The following DMD variants were observed in gnomAD, a reference collection of about 807,000 sequenced individuals.
DMD encodes dystrophin.
DMD carries 63 observed loss-of-function variants against 330.1 expected under a neutral mutation model. That is an observed-to-expected ratio of 0.19 (90% CI 0.16 to 0.24). The LOEUF (loss-of-function observed/expected upper bound fraction) is 0.24, where lower values mean the gene tolerates loss of function less well. Ranked by LOEUF, DMD falls within the 10% of genes least tolerant of loss-of-function variation. The pLI is 1.00. For missense variants in DMD, 3,344 were observed against 2,684.1 expected (o/e 1.25, Z -5.43); for synonymous variants, 1,223 against 959.8 (o/e 1.27, Z -5.07).
At chrX:31,246,235 C>T (rs7890239) in intron 63 of DMD, among the ~76,000 whole-genome samples, 20,896 of 111,222 alleles carry the variant, frequency 0.19, 1,494 homozygotes, top group East Asian at 0.39. Flanking sequence ...CCCTTCAATT[C>T]TATGAAGGCT....
chrX:32,684,278 T>C (rs1262855651), intron 9 of DMD, among the ~76,000 whole-genome samples: 1 of 111,709 alleles, frequency 9.0e-6, no homozygotes, highest in Non-Finnish European at 1.9e-5. Context: ...ATATACTCTA[T>C]TTGAAAACTT....
chrX:32,018,158 A>G (rs1161816475), intron 44 of DMD, among the ~76,000 whole-genome samples: 2 of 111,531 alleles, frequency 1.8e-5, no homozygotes, highest in African/African-American at 6.5e-5. Flanking sequence ...CTCAAGGTGC[A>G]TAACTTAATA....
At chrX:32,129,662 T>G (rs1337798682) in intron 44 of DMD, among the ~76,000 whole-genome samples, 1 of 105,631 alleles carries the variant, frequency 9.5e-6, no homozygotes, top group Admixed American at 1.0e-4. Context: ...GAATTGGTAG[T>G]TCCTACAGAA....
chrX:31,215,159 C>T (rs182936073), intron 64 of DMD, among the ~76,000 whole-genome samples: 2,243 of 107,656 alleles, frequency 0.021, 24 homozygotes, highest in Middle Eastern at 0.038. Flanking sequence ...GCCAGGATGG[C>T]CTCGAACTCC....
Position 31,406,382 on chromosome X carries a change from C to G in DMD, c.9084+38099G>C, listed in dbSNP as rs929819486. ...CAAACCTTCACATGTACCGTCAAAC[C>G]TAAAATAAAAGCTAAAAAAAGAAAA... On this transcript the variant is annotated intron_variant, in intron 60 of 78. Coordinates refer to ENST00000357033, the MANE Select transcript of DMD (RefSeq NM_004006.3). 4.5e-5 allele frequency among the ~76,000 whole-genome samples: 5 copies of G among 110,213 alleles called. No homozygotes were observed. In the East Asian group the frequency reaches 1.4e-3, roughly 31 times the overall value.
At chrX:32,166,173 G>A (rs72626019) in intron 44 of DMD, among the ~76,000 whole-genome samples, 5 of 111,094 alleles carry the variant, frequency 4.5e-5, no homozygotes, top group Non-Finnish European at 9.4e-5. Context: ...CATCAATTTC[G>A]GCTGGGCATG....
At chrX:32,503,131 G>A (rs1224783343) in intron 18 of DMD, among the ~76,000 whole-genome samples, 11 of 111,970 alleles carry the variant, frequency 9.8e-5, no homozygotes, top group South Asian at 3.7e-4. Flanking sequence ...CCTGTAATCC[G>A]AGCTACTCAG....
chrX:31,411,007 C>A (rs1197309882), intron 60 of DMD, among the ~76,000 whole-genome samples: 1 of 103,626 alleles, frequency 9.7e-6, no homozygotes, highest in Admixed American at 1.1e-4. Context: ...CTCAAGTGAT[C>A]CCCCTGCTTC....
intron 44 of DMD, among the ~76,000 whole-genome samples, chrX:32,072,318 GTTAT>G (rs1314192161): frequency 9.0e-6 from 1 of 110,576 alleles, no homozygotes. Context: ...TTTTAAAATT[GTTAT>G]TTATATTGCA....
intron 50 of DMD, among the ~76,000 whole-genome samples, chrX:31,818,944 T>C (rs183086330): frequency 2.7e-5 from 3 of 111,004 alleles, no homozygotes; most frequent in East Asian, 2.8e-4. Context: ...ATTTTTCTAC[T>C]TGACATAAAA....
chrX:33,010,182 TTG>T lies in DMD; in HGVS notation c.93+9955_93+9956del, dbSNP rs767854494. ...TGTGTATATGTATATATGCATATAT[TTG>T]TGTATGTATATATGCATATGTGTGT... On this transcript the variant is annotated intron_variant, in intron 2 of 78. Coordinates refer to ENST00000357033, the MANE Select transcript of DMD (RefSeq NM_004006.3). Among the ~76,000 whole-genome samples the T allele has an allele frequency of 5.9e-4, 41 of 69,847 alleles. No individual in the cohort carries two copies. In the South Asian group the frequency reaches 0.027, roughly 46 times the overall value. 60.7% of individuals were successfully genotyped at this position (69,847 alleles called of 115,157 possible). A position where few individuals can be genotyped will look rare whatever the true frequency, so the allele number is the denominator to read the frequency against.
chrX:32,009,307 T>C (rs1000909154), intron 44 of DMD, among the ~76,000 whole-genome samples: 3 of 111,596 alleles, frequency 2.7e-5, no homozygotes, highest in African/African-American at 9.8e-5. Context: ...TTCATGGCCT[T>C]TGAAGCACCC....
chrX:31,692,399 G>C (rs1812803198), intron 52 of DMD, among the ~76,000 whole-genome samples: 1 of 111,047 alleles, frequency 9.0e-6, no homozygotes, highest in African/African-American at 3.3e-5. Flanking sequence ...TTAGCAGAAA[G>C]AAGAAAATAA....
chrX:33,254,052 C>CTT (rs1569559205), intron 1 of DMD, among the ~76,000 whole-genome samples: 1 of 110,700 alleles, frequency 9.0e-6, no homozygotes, highest in Admixed American at 9.7e-5. Flanking sequence ...ATTTTGTAAA[C>CTT]AGTTAGCAGA....
chrX:32,044,484 C>T (rs776428197), intron 44 of DMD, among the ~76,000 whole-genome samples: 3 of 109,986 alleles, frequency 2.7e-5, no homozygotes, highest in South Asian at 3.9e-4. Context: ...TGCAGTGGCA[C>T]GATCTCGGCT....
chrX:32,287,514 A>G lies in DMD; in HGVS notation c.6290+15T>C, dbSNP rs376238798. On this transcript the variant is annotated intron_variant, in intron 43 of 78. Coordinates refer to ENST00000357033, the MANE Select transcript of DMD (RefSeq NM_004006.3). The stretch of plus-strand genomic sequence containing the variant: ...CATTTCTGCAAGTATCAAGAAAAAT[A>G]TATGTGTTACCTACCCTTGTCGGTC... 1.8e-4 allele frequency: 219 copies of G among 1,203,762 alleles called. No individual in the cohort carries two copies. The highest frequency in any genetic ancestry group is 2.3e-4 in the Non-Finnish European group (203 of 890,298).
At chrX:32,643,268 A>T (rs2059584844) in intron 11 of DMD, among the ~76,000 whole-genome samples, 2 of 110,841 alleles carry the variant, frequency 1.8e-5, no homozygotes. Flanking sequence ...TTTCCCCTCC[A>T]TAATTTCACA....
intron 1 of DMD, among the ~76,000 whole-genome samples, chrX:33,298,905 A>G (rs971836656): frequency 9.0e-6 from 1 of 111,720 alleles, no homozygotes; most frequent in African/African-American, 3.2e-5. Context: ...CTCAACTTCA[A>G]GTGAGTGCGG....
intron 1 of DMD, among the ~76,000 whole-genome samples, chrX:33,069,225 T>A (rs768927334): frequency 9.0e-5 from 10 of 111,211 alleles, no homozygotes; most frequent in Non-Finnish European, 1.5e-4. Flanking sequence ...TTGTTTTTCA[T>A]CTCCTTCAAC....
Sources: gnomAD v4.1 joint callset for allele counts (sites outside exome capture counted in the v4.1 genomes callset) on GRCh38, gnomAD v4.1.1 for gene constraint, MANE v1.5 for transcripts, NCBI Gene and HGNC (gene_info 2026-07-23, HGNC 2026-07-21) for gene names.